Variants in COMMD1 observed in about 807,000 individuals in gnomAD.
COMMD1 encodes the protein copper metabolism domain containing 1, also known as COMM domain-containing protein 1.
In COMMD1, 10 loss-of-function variants were observed where a neutral mutation model predicts 17.2. That is an observed-to-expected ratio of 0.58 (90% CI 0.36 to 0.99). The LOEUF is 0.99. Among genes scored for constraint, COMMD1 ranks in the 50% least tolerant of loss-of-function variants. The probability of loss-of-function intolerance (pLI) is 0.01; values close to 1 mark genes in which losing one functional copy is unlikely to be tolerated. For synonymous variants in COMMD1, 97 were observed against 91.6 expected (o/e 1.06, Z -0.34); for missense variants, 270 against 231.8 (o/e 1.17, Z -1.07).
At chr2:62,041,065 A>G (rs2103894735) in intron 2 of COMMD1, among the ~76,000 whole-genome samples, 1 of 152,264 alleles carries the variant, frequency 6.6e-6, no homozygotes, top group Middle Eastern at 3.4e-3. Flanking sequence ...CTCTACCCCC[A>G]GAACATTACG....
chr2:62,131,205 C>A (rs566370659), intron 2 of COMMD1, among the ~76,000 whole-genome samples: 5 of 152,110 alleles, frequency 3.3e-5, no homozygotes, highest in Non-Finnish European at 5.9e-5. Flanking sequence ...CTATTTAAAC[C>A]GTTGAGTTTA....
intron 1 of COMMD1, among the ~76,000 whole-genome samples, chr2:61,914,882 G>C (rs1192558212): frequency 6.6e-6 from 1 of 151,710 alleles, no homozygotes; most frequent in Non-Finnish European, 1.5e-5. Flanking sequence ...TTGAGACAGG[G>C]TTTCACCATG....
intron 1 of COMMD1, among the ~76,000 whole-genome samples, chr2:61,938,956 T>C (rs768372615): frequency 6.6e-6 from 1 of 152,170 alleles, no homozygotes; most frequent in African/African-American, 2.4e-5. Context: ...AGAGGATTAT[T>C]GTAGCCAAGA....
At chr2:61,970,282 A>G (rs959804220) in intron 1 of COMMD1, among the ~76,000 whole-genome samples, 21 of 152,032 alleles carry the variant, frequency 1.4e-4, no homozygotes, top group African/African-American at 4.6e-4. Context: ...AAAAAAGAAT[A>G]ATGATAAATA....
intron 2 of COMMD1, among the ~76,000 whole-genome samples, chr2:62,053,326 C>T (rs569166743): frequency 6.0e-4 from 91 of 151,414 alleles, no homozygotes; most frequent in African/African-American, 2.1e-3. Context: ...AGGTACTCGT[C>T]GTATTTATTT....
chr2:61,949,100 C>T (rs1403907599), intron 1 of COMMD1, among the ~76,000 whole-genome samples: 2 of 152,166 alleles, frequency 1.3e-5, no homozygotes, highest in African/African-American at 4.8e-5. Flanking sequence ...ATAGCAAGAC[C>T]CTGTCTCTTA....
chr2:62,111,005 A>C (rs1157943447), intron 2 of COMMD1, among the ~76,000 whole-genome samples: 1 of 152,182 alleles, frequency 6.6e-6, no homozygotes, highest in Non-Finnish European at 1.5e-5. Flanking sequence ...AACAAAGGTA[A>C]GGTTTATTAA....
chr2:61,961,028 G>A (rs1386533558), intron 1 of COMMD1, among the ~76,000 whole-genome samples: 10 of 152,198 alleles, frequency 6.6e-5, no homozygotes, highest in East Asian at 1.9e-4. Flanking sequence ...GCAGTGGGGC[G>A]CCTCCCCACG....
intron 1 of COMMD1, among the ~76,000 whole-genome samples, chr2:61,926,269 C>T (rs546461988): frequency 6.8e-4 from 103 of 152,086 alleles, no homozygotes; most frequent in African/African-American, 1.9e-3. Context: ...CTGCGTCTGG[C>T]GAGTTAGTGT....
upstream of COMMD1, chr2:61,888,397 G>A (rs752206300): frequency 9.9e-6 from 16 of 1,613,180 alleles, no homozygotes; most frequent in Admixed American, 1.5e-4. Flanking sequence ...CGGCGGAAAT[G>A]TTGCTGAAGC....
chr2:62,033,426 G>A (rs551920057), intron 2 of COMMD1, among the ~76,000 whole-genome samples: 1 of 152,202 alleles, frequency 6.6e-6, no homozygotes, highest in South Asian at 2.1e-4. Context: ...GATAGCCTTG[G>A]GAGAGAACAG....
chr2:62,103,346 A>G (rs923109252), intron 2 of COMMD1, among the ~76,000 whole-genome samples: 2 of 152,146 alleles, frequency 1.3e-5, no homozygotes, highest in African/African-American at 4.8e-5. Context: ...TTTCCCCTGT[A>G]TCTTTGGTTC....
At chr2:62,008,484 A>G (rs1485239227) in intron 2 of COMMD1, among the ~76,000 whole-genome samples, 1 of 152,220 alleles carries the variant, frequency 6.6e-6, no homozygotes, top group Non-Finnish European at 1.5e-5. Context: ...ATTTTATTTT[A>G]TCAACGTTCA....
intron 1 of COMMD1, among the ~76,000 whole-genome samples, chr2:61,929,918 C>G (rs544670736): frequency 1.3e-5 from 2 of 151,458 alleles, no homozygotes; most frequent in South Asian, 4.2e-4. Context: ...GGTGACAGAG[C>G]CAGACCCTGT....
intron 2 of COMMD1, among the ~76,000 whole-genome samples, chr2:62,085,851 G>C (rs987490710): frequency 6.6e-6 from 1 of 151,936 alleles, no homozygotes; most frequent in Non-Finnish European, 1.5e-5. Flanking sequence ...CATGGTGGCG[G>C]GCGCCTGTCC....
chr2:61,986,875 T>C (rs764090531), intron 1 of COMMD1, among the ~76,000 whole-genome samples: 5 of 152,122 alleles, frequency 3.3e-5, no homozygotes, highest in Non-Finnish European at 7.4e-5. Flanking sequence ...AGCCTCTTTT[T>C]CTTTTTTGTT....
intron 1 of COMMD1, among the ~76,000 whole-genome samples, chr2:61,934,020 C>G (rs1670538711): frequency 6.6e-6 from 1 of 152,142 alleles, no homozygotes; most frequent in African/African-American, 2.4e-5. Context: ...CCACCTCAGC[C>G]TCTCAAAGTG....
At chr2:62,072,012 C>T (rs1017192913) in intron 2 of COMMD1, among the ~76,000 whole-genome samples, 1 of 151,300 alleles carries the variant, frequency 6.6e-6, no homozygotes, top group East Asian at 1.9e-4. Context: ...TTTTAATTAA[C>T]CCAGTATAAT....
intron 1 of COMMD1, among the ~76,000 whole-genome samples, chr2:61,963,159 CAA>C (rs1393298930): frequency 8.4e-6 from 1 of 119,574 alleles, no homozygotes; most frequent in Non-Finnish European, 1.7e-5. Flanking sequence ...GACCCTGTCT[CAA>C]AAAAAAAAAT....
Sources: gnomAD v4.1 joint callset for allele counts (sites outside exome capture counted in the v4.1 genomes callset) on GRCh38, gnomAD v4.1.1 for gene constraint, MANE v1.5 for transcripts, NCBI Gene and HGNC (gene_info 2026-07-23, HGNC 2026-07-21) for gene names.